Variants in DNAH9 observed in about 807,000 individuals in gnomAD.
DNAH9 encodes DNAH9 variant protein.
DNAH9 carries 345 observed loss-of-function variants against 471.6 expected under a neutral mutation model. That is an observed-to-expected ratio of 0.73 (90% CI 0.67 to 0.80). DNAH9 has a LOEUF of 0.80. DNAH9 is among the 30% of genes least tolerant of loss of function. The probability of loss-of-function intolerance (pLI) is 0.00; values close to 1 mark genes in which losing one functional copy is unlikely to be tolerated. For missense variants in DNAH9, 5,407 were observed against 5,609.2 expected (o/e 0.96, Z 1.15); for synonymous variants, 2,093 against 2,123.6 (o/e 0.99, Z 0.40).
At chr17:11,664,515 T>C (rs1292129434) in intron 14 of DNAH9, among the ~76,000 whole-genome samples, 1 of 152,196 alleles carries the variant, frequency 6.6e-6, no homozygotes, top group Non-Finnish European at 1.5e-5. Flanking sequence ...CTGATGCAAC[T>C]TCCTCCACAG....
At chr17:11,739,080 G>T in intron 29 of DNAH9, 43 bp downstream of exon 29, 1 of 1,499,794 alleles carries the variant, frequency 6.7e-7, no homozygotes, top group Non-Finnish European at 9.0e-7. Flanking sequence ...CAAAAGAGAA[G>T]TTTCTTTCAT....
intron 59 of DNAH9, among the ~76,000 whole-genome samples, chr17:11,897,004 G>A (rs1043788448): frequency 1.3e-5 from 2 of 152,152 alleles, no homozygotes; most frequent in Non-Finnish European, 2.9e-5. Context: ...GCTGGAGAAT[G>A]GGTTGAACCT....
At chr17:11,920,830 C>T (rs970130634) in intron 61 of DNAH9, among the ~76,000 whole-genome samples, 1 of 151,824 alleles carries the variant, frequency 6.6e-6, no homozygotes, top group Non-Finnish European at 1.5e-5. Flanking sequence ...AACCAGATGA[C>T]ATGTGCTTTC....
intron 46 of DNAH9, 54 bp from the exon 47 acceptor site, chr17:11,822,384 C>T (rs1025778139): frequency 4.1e-5 from 66 of 1,600,970 alleles, no homozygotes; most frequent in South Asian, 1.3e-4. Context: ...TCTGCCTCTC[C>T]GTGAGTATTT....
intron 26 of DNAH9, 23 bp from the exon 27 acceptor site, chr17:11,719,311 C>T: frequency 6.2e-7 from 1 of 1,611,856 alleles, no homozygotes. Context: ...GAATGATGAC[C>T]TATGCCCTCC....
chr17:11,878,097 A>T (rs1436624805), intron 53 of DNAH9, among the ~76,000 whole-genome samples: 1 of 152,146 alleles, frequency 6.6e-6, no homozygotes, highest in Non-Finnish European at 1.5e-5. Context: ...CTTCTCCCGA[A>T]ACTTTAATTA....
At chr17:11,909,422 C>T (rs1004969665) in intron 61 of DNAH9, among the ~76,000 whole-genome samples, 4 of 152,152 alleles carry the variant, frequency 2.6e-5, no homozygotes, top group South Asian at 4.1e-4. Context: ...CCCCAAACCA[C>T]GAGAGTTACT....
At chr17:11,950,427 A>G (rs1455552140) in intron 67 of DNAH9, among the ~76,000 whole-genome samples, 2 of 152,176 alleles carry the variant, frequency 1.3e-5, no homozygotes, top group Non-Finnish European at 2.9e-5. Context: ...ATCTTTCTCT[A>G]TTGCCCAGAT....
chr17:11,667,022 G>A (rs989503742), intron 15 of DNAH9, among the ~76,000 whole-genome samples: 3 of 151,990 alleles, frequency 2.0e-5, no homozygotes, highest in African/African-American at 4.8e-5. Flanking sequence ...AATGATTTAC[G>A]TGCACCAACA....
intron 68 of DNAH9, among the ~76,000 whole-genome samples, chr17:11,966,956 A>G (rs1313649805): frequency 1.4e-5 from 2 of 143,488 alleles, no homozygotes; most frequent in African/African-American, 5.2e-5. Flanking sequence ...AATTGCTTGA[A>G]CCCAGGAGGC....
chr17:11,629,617 G>A, intron 7 of DNAH9, 33 bp downstream of exon 7: 1 of 1,600,752 alleles, frequency 6.2e-7, no homozygotes, highest in Non-Finnish European at 8.5e-7. Flanking sequence ...CGCCAGCTCT[G>A]CCTCTGTCCC....
At chr17:11,951,605 G>A (rs1249726889) in intron 67 of DNAH9, among the ~76,000 whole-genome samples, 3 of 151,840 alleles carry the variant, frequency 2.0e-5, no homozygotes, top group Non-Finnish European at 4.4e-5. Flanking sequence ...GGGCAACATA[G>A]TGAGACCCTA....
At chr17:11,876,653 G>C (rs1972497830) in intron 53 of DNAH9, among the ~76,000 whole-genome samples, 1 of 152,184 alleles carries the variant, frequency 6.6e-6, no homozygotes, top group African/African-American at 2.4e-5. Flanking sequence ...GGGAGTGCGA[G>C]GGAGAGGGGA....
chr17:11,801,869 G>T (rs1303180904), intron 43 of DNAH9, among the ~76,000 whole-genome samples: 1 of 151,832 alleles, frequency 6.6e-6, no homozygotes, highest in African/African-American at 2.4e-5. Flanking sequence ...CAACATGGGT[G>T]ATCAAACTAA....
At chr17:11,829,905 T>G (rs112178490) in intron 48 of DNAH9, among the ~76,000 whole-genome samples, 4 of 152,392 alleles carry the variant, frequency 2.6e-5, no homozygotes, top group African/African-American at 9.6e-5. Context: ...CTCTTAATAT[T>G]AATCTTGCAT....
intron 56 of DNAH9, 60 bp from the exon 57 acceptor site, chr17:11,886,765 T>G (rs200765996): frequency 1.3e-6 from 2 of 1,549,682 alleles, no homozygotes; most frequent in South Asian, 2.5e-5. Flanking sequence ...AGGGGCCAAG[T>G]TGATTCTCAG....
intron 38 of DNAH9, among the ~76,000 whole-genome samples, chr17:11,778,722 G>A (rs955118598): frequency 1.3e-5 from 2 of 152,092 alleles, no homozygotes; most frequent in African/African-American, 2.4e-5. Context: ...AAATTAAATT[G>A]CAGGCCGGGC....
chr17:11,780,947 T>C, intron 38 of DNAH9, 62 bp from the exon 39 acceptor site: 1 of 1,524,868 alleles, frequency 6.6e-7, no homozygotes, highest in Non-Finnish European at 8.9e-7. Context: ...AAATCTTTGC[T>C]GTCTCAGTAC....
At position 11,876,319 on chromosome 17, in the gene DNAH9, T is replaced by C. The variant is rs1365567325; in HGVS notation, c.10478+1135T>C. Among the ~76,000 whole-genome samples the C allele has an allele frequency of 2.6e-5, 4 of 152,212 alleles. No homozygotes were observed. The East Asian group carries it at 7.7e-4, about 29-fold the overall frequency. ...AAGGAGAAATGCTTAAGGACATGGA[T>C]ACCCCATTTTCCATAACGTGATTAT... On this transcript the variant is annotated intron_variant, in intron 53 of 68. Transcript: ENST00000262442.
Sources: gnomAD v4.1 joint callset for allele counts (sites outside exome capture counted in the v4.1 genomes callset) on GRCh38, gnomAD v4.1.1 for gene constraint, MANE v1.5 for transcripts, NCBI Gene and HGNC (gene_info 2026-07-23, HGNC 2026-07-21) for gene names.